TET3: variants seen among roughly 807,000 people sequenced by gnomAD.
TET3 encodes the protein methylcytosine dioxygenase TET3.
Under a neutral mutation model 141.4 loss-of-function variants are expected in TET3, and 19 were observed. The observed-to-expected ratio is 0.13, with a 90% CI of 0.09 to 0.20. The LOEUF (loss-of-function observed/expected upper bound fraction) is 0.20. Ranked by LOEUF, TET3 falls within the 10% of genes least tolerant of loss-of-function variation. The pLI, the probability that TET3 is intolerant of heterozygous loss-of-function variation, is 1.00. For missense variants in TET3, 1,874 were observed against 2,356.9 expected (o/e 0.80, Z 4.24); for synonymous variants, 1,043 against 980.9 (o/e 1.06, Z -1.18).
chr2:74,012,531 GAT>G (rs1196818221), intron 3 of TET3, among the ~76,000 whole-genome samples: 3 of 152,186 alleles, frequency 2.0e-5, no homozygotes, highest in Admixed American at 2.0e-4. Flanking sequence ...AGGAAACTGA[GAT>G]TCAGTCCAGG....
chr2:74,061,275 G>T (rs1259858303), intron 4 of TET3, among the ~76,000 whole-genome samples: 2 of 146,512 alleles, frequency 1.4e-5, no homozygotes, highest in African/African-American at 5.0e-5. Context: ...GGATGGGGCG[G>T]CTGGCCAGGC....
the TET3 span, chr2:74,122,541 T>G: frequency 7.8e-6 from 1 of 128,720 alleles, no homozygotes; most frequent in Non-Finnish European, 1.6e-5. Context: ...TTTGAGATAG[T>G]CTTGCTCTGT....
intron 3 of TET3, among the ~76,000 whole-genome samples, chr2:74,008,067 G>A (rs897056222): frequency 2.0e-5 from 3 of 152,084 alleles, no homozygotes; most frequent in Admixed American, 1.3e-4. Context: ...AGCAGTTTAC[G>A]GGCCATATCC....
rs750932724 is a variant in TET3 at position 74,100,496 on chromosome 2, G to T, written c.3708G>T (p.Val1236=). The change falls in exon 12 of 12, where the codon GTG becomes GTT. Residue 1236 remains valine, a synonymous_variant. Coordinates refer to ENST00000409262, the MANE Select transcript of TET3 (RefSeq NM_001287491.2). ...FSSFKYSGNA[V]VESYSVLGNC... The stretch of plus-strand genomic sequence containing the variant: ...CCTTCAAGTACAGCGGCAACGCGGT[G>T]GTGGAGAGCTACTCGGTGCTGGGCA... 2.0e-5 allele frequency: 32 copies of T among 1,603,444 alleles called. No individual in the cohort carries two copies. The highest frequency in any genetic ancestry group is 4.0e-5 in the African/African-American group (3 of 74,780).
rs752215491 is a variant in TET3 at position 74,099,530 on chromosome 2, G to T, written c.3522G>T (p.Lys1174Asn). ...LEARKAAAEK[K>N]KIQKEKLSTP... is the part of the protein sequence containing the mutation. ...CCAGAAAGGCAGCAGCCGAGAAGAA[G>T]AAGATTCAGAAGGAGAAGCTGAGCA... The change falls in exon 11 of 12, where the codon AAG becomes AAT. Residue 1174 changes from lysine to asparagine, a missense_variant. Physicochemically the swap from Lys to Asn is moderately conservative, Grantham distance 94. Transcript: ENST00000409262. The T allele has an allele frequency of 1.2e-6, 2 of 1,612,150 alleles. No individual in the cohort carries two copies. The highest frequency in any genetic ancestry group is 1.7e-5 in the Admixed American group (1 of 59,742).
intron 3 of TET3, among the ~76,000 whole-genome samples, chr2:74,016,305 TAA>T (rs372745867): frequency 1.4e-5 from 2 of 139,630 alleles, no homozygotes; most frequent in Non-Finnish European, 1.6e-5. Context: ...CCTGTCTCTT[TAA>T]AAAAAAAAAA....
At chr2:74,002,986 C>A in intron 2 of TET3, 124 bp from the exon 3 acceptor site, 2 of 1,021,588 alleles carry the variant, frequency 2.0e-6, no homozygotes, top group Middle Eastern at 2.1e-4. Flanking sequence ...GCCTTTCTTT[C>A]CCAGGCTGTA....
At chr2:74,121,751 A>G in the TET3 span, 3 of 152,284 alleles carry the variant, frequency 2.0e-5, no homozygotes, top group African/African-American at 4.8e-5. Flanking sequence ...TCATCCCAGC[A>G]TATTGGGAGT....
the TET3 span, among the ~76,000 whole-genome samples, chr2:74,126,906 C>G: frequency 2.0e-5 from 3 of 152,154 alleles, no homozygotes; most frequent in Non-Finnish European, 4.4e-5. Flanking sequence ...TTATAGAAAT[C>G]TGGCCACGTA....
chr2:74,117,558 G>A, the TET3 span, among the ~76,000 whole-genome samples: 35,467 of 151,856 alleles, frequency 0.23, 4,538 homozygotes, highest in East Asian at 0.37. Flanking sequence ...CCTAAAAAAT[G>A]TCAAATTTAT....
intron 4 of TET3, among the ~76,000 whole-genome samples, chr2:74,051,047 G>T (rs928381751): frequency 6.6e-6 from 1 of 152,218 alleles, no homozygotes; most frequent in African/African-American, 2.4e-5. Flanking sequence ...CTTGTTTAGA[G>T]CTGGGTTTTG....
At chr2:74,126,705 G>C in the TET3 span, among the ~76,000 whole-genome samples, 1 of 151,744 alleles carries the variant, frequency 6.6e-6, no homozygotes, top group East Asian at 1.9e-4. Context: ...GGGTTTCATC[G>C]TGTTAGCCAG....
chr2:74,043,518 T>A (rs1358394876), intron 3 of TET3, among the ~76,000 whole-genome samples: 1 of 151,992 alleles, frequency 6.6e-6, no homozygotes, highest in African/African-American at 2.4e-5. Flanking sequence ...GCCCTGGGAA[T>A]CCAGGGAAGG....
Position 74,094,454 on chromosome 2 carries a change from G to C in TET3, c.3267+788G>C, listed in dbSNP as rs565390325. Among the ~76,000 whole-genome samples the C allele has an allele frequency of 3.7e-4, 56 of 152,314 alleles. 2 individuals carry two copies. The highest frequency in any genetic ancestry group is 2.1e-4 in the Non-Finnish European group (14 of 68,030). On this transcript the variant is annotated intron_variant, in intron 10 of 11. Coordinates refer to ENST00000409262, the MANE Select transcript of TET3 (RefSeq NM_001287491.2). ...GGGAGGGTTGCGGGGTTTGCTCTAA[G>C]TGTGATGGGAAGCTGTTGAGGGCTT...
At position 74,100,907 on chromosome 2, in the gene TET3, C is replaced by T. The variant is rs763835477; in HGVS notation, c.4119C>T (p.Pro1373=). ...AGGAGTATCTGCTTCCCAAGGCCCC[C>T]CTACTCCACTCAGTGTCCAGGGACC... ...GPKEYLLPKA[P]LLHSVSRDPS... The change falls in exon 12 of 12, where the codon CCC becomes CCT. Residue 1373 remains proline (P), a synonymous_variant. Coordinates refer to ENST00000409262, the MANE Select transcript of TET3 (RefSeq NM_001287491.2). 6 of 1,610,362 alleles carry T rather than the reference C, an allele frequency of 3.7e-6. No homozygotes were observed. The highest frequency in any genetic ancestry group is 5.1e-6 in the Non-Finnish European group (6 of 1,178,464).
At chr2:74,128,698 G>GAA in the TET3 span, among the ~76,000 whole-genome samples, 19 of 142,456 alleles carry the variant, frequency 1.3e-4, no homozygotes, top group African/African-American at 4.9e-4. Flanking sequence ...AAGACTATTA[G>GAA]AAAAAAAAAA....
intron 2 of TET3, among the ~76,000 whole-genome samples, chr2:73,995,311 C>G (rs1684539001): frequency 6.6e-6 from 1 of 152,230 alleles, no homozygotes; most frequent in South Asian, 2.1e-4. Flanking sequence ...CTATCTTAGA[C>G]TGCAGTATTT....
Position 74,101,759 on chromosome 2 carries a change from C to T in TET3, c.4971C>T (p.Ala1657=). Residue 1657 remains alanine, a synonymous_variant, in exon 12 of 12, where the codon GCC becomes GCT. Coordinates refer to ENST00000409262, the MANE Select transcript of TET3 (RefSeq NM_001287491.2). The surrounding 1 kb of genome is among the most constrained non-coding windows in gnomAD (Gnocchi z 8.5). The part of the protein sequence containing the change: ...LDENIGGVAV[A]PAHGSILIEC... ...AGAACATCGGCGGCGTGGCCGTGGC[C>T]CCAGCCCACGGCTCCATCCTCATCG... is the stretch of plus-strand genomic sequence containing the variant. 1.2e-6 allele frequency: 2 copies of T among 1,613,172 alleles called. No homozygotes were observed. Among genetic ancestry groups the T allele is most frequent in the East Asian group, 2.2e-5 (1 of 44,858 alleles).
At chr2:74,086,731 CAGTGAGCTATG>C (rs1363431699) in intron 6 of TET3, among the ~76,000 whole-genome samples, 1 of 144,044 alleles carries the variant, frequency 6.9e-6, no homozygotes, top group Non-Finnish European at 1.5e-5. Context: ...TTTGAAGCTG[CAGTGAGCTATG>C]ATCATGCCAC....
Sources: allele counts gnomAD v4.1 joint callset (sites outside exome capture counted in the v4.1 genomes callset), GRCh38; gene constraint gnomAD v4.1.1; non-coding constraint Gnocchi (gnomAD v3.1); transcripts MANE v1.5; gene names NCBI Gene and HGNC (gene_info 2026-07-23, HGNC 2026-07-21).